FSTL5: variants seen among roughly 807,000 people sequenced by gnomAD.
FSTL5 encodes follistatin-related protein 5.
In FSTL5, 62 loss-of-function variants were observed where a neutral mutation model predicts 89.1. That is an observed-to-expected ratio of 0.70 (90% CI 0.57 to 0.86). The LOEUF is 0.86. FSTL5 is among the 40% of genes least tolerant of loss of function. FSTL5 has a pLI of 0.00. For synonymous variants in FSTL5, 383 were observed against 346.2 expected (o/e 1.11, Z -1.18); for missense variants, 1,057 against 1,001.6 (o/e 1.06, Z -0.75).
intron 3 of FSTL5, among the ~76,000 whole-genome samples, chr4:162,008,618 T>C (rs894542580): frequency 6.6e-6 from 1 of 151,906 alleles, no homozygotes; most frequent in African/African-American, 2.4e-5. Flanking sequence ...TGAGCTCATA[T>C]TATTCAGGAA....
At chr4:161,764,184 G>C (rs1325227330) in intron 5 of FSTL5, among the ~76,000 whole-genome samples, 1 of 152,190 alleles carries the variant, frequency 6.6e-6, no homozygotes, top group Non-Finnish European at 1.5e-5. Flanking sequence ...TGAAAGGACA[G>C]AGTTAATAAC....
intron 4 of FSTL5, among the ~76,000 whole-genome samples, chr4:161,825,033 ATAGATGGCTTT>A (rs1389656790): frequency 6.6e-6 from 1 of 152,162 alleles, no homozygotes; most frequent in Admixed American, 6.5e-5. Context: ...TGGGGTTGTC[ATAGATGGCTTT>A]TATTACATTA....
intron 2 of FSTL5, among the ~76,000 whole-genome samples, chr4:162,076,295 T>G (rs1056016469): frequency 1.3e-5 from 2 of 151,938 alleles, no homozygotes; most frequent in Admixed American, 1.3e-4. Context: ...CACATTTTTG[T>G]GAGCTAAGCA....
At chr4:161,676,501 C>G (rs1417095944) in intron 6 of FSTL5, among the ~76,000 whole-genome samples, 1 of 151,618 alleles carries the variant, frequency 6.6e-6, no homozygotes. Context: ...CGGGGCCTGT[C>G]GGGAGGTGAG....
chr4:161,758,254 T>A (rs550757654), intron 6 of FSTL5, among the ~76,000 whole-genome samples: 4 of 152,108 alleles, frequency 2.6e-5, no homozygotes, highest in Non-Finnish European at 5.9e-5. Flanking sequence ...AGACAGCTGA[T>A]AAATGGCTAA....
chr4:161,674,819 C>T (rs1477195149), intron 6 of FSTL5, among the ~76,000 whole-genome samples: 2 of 152,148 alleles, frequency 1.3e-5, no homozygotes, highest in African/African-American at 4.8e-5. Context: ...TCAAGACATA[C>T]CCTACTCTGT....
In FSTL5 at chr4:161,759,608, A is replaced by G. The variant is rs145250651; in HGVS notation, c.607-77T>C. 1.2e-3 allele frequency: 1,070 copies of G among 917,278 alleles called. 9 individuals are homozygous for G. In the African/African-American group the frequency reaches 0.017, roughly 15 times the overall value. The allele number at this position is 917,278 out of a possible 1,614,324, so 56.8% of individuals were successfully genotyped here. On this transcript the variant is annotated intron_variant, in intron 5 of 15. Transcript: ENST00000306100. ...ATAATATAATTTATTATATGTAATA[A>G]TCACATAATAGTTCATTTCATGTCT...
intron 6 of FSTL5, among the ~76,000 whole-genome samples, chr4:161,755,319 A>G (rs1740531140): frequency 6.6e-6 from 1 of 152,072 alleles, no homozygotes; most frequent in African/African-American, 2.4e-5. Context: ...GAAAAAAGGT[A>G]TTTTTGAAAA....
intron 2 of FSTL5, among the ~76,000 whole-genome samples, chr4:162,079,462 G>C (rs1040987594): frequency 6.6e-6 from 1 of 151,558 alleles, no homozygotes; most frequent in Admixed American, 6.6e-5. Flanking sequence ...AAATGGTTAT[G>C]AGCATGTGGG....
intron 8 of FSTL5, among the ~76,000 whole-genome samples, chr4:161,569,788 CACACACACA>C (rs769738595): frequency 6.6e-6 from 1 of 151,200 alleles, no homozygotes; most frequent in East Asian, 1.9e-4. Flanking sequence ...CACACACACA[CACACACACA>C]CACCCCACAT....
At chr4:161,745,359 T>A (rs1260382001) in intron 6 of FSTL5, among the ~76,000 whole-genome samples, 1 of 152,040 alleles carries the variant, frequency 6.6e-6, no homozygotes, top group Non-Finnish European at 1.5e-5. Context: ...TGTAACTATA[T>A]ACAAAAATGT....
At chr4:161,912,437 T>G (rs1467218850) in intron 4 of FSTL5, among the ~76,000 whole-genome samples, 1 of 152,158 alleles carries the variant, frequency 6.6e-6, no homozygotes, top group Admixed American at 6.5e-5. Flanking sequence ...GCTATTCTCA[T>G]GATAGTGAGT....
At chr4:161,469,025 TC>T (rs1733841060) in intron 13 of FSTL5, among the ~76,000 whole-genome samples, 1 of 152,202 alleles carries the variant, frequency 6.6e-6, no homozygotes, top group South Asian at 2.1e-4. Flanking sequence ...TCTCCATAAT[TC>T]TTTTTACCTT....
chr4:161,648,057 TC>T (rs1230016281), intron 7 of FSTL5, among the ~76,000 whole-genome samples: 1 of 151,896 alleles, frequency 6.6e-6, no homozygotes, highest in Non-Finnish European at 1.5e-5. Flanking sequence ...CCCTACTGGC[TC>T]CCCCATCTGC....
At chr4:161,877,653 C>T (rs1336166206) in intron 4 of FSTL5, among the ~76,000 whole-genome samples, 2 of 151,298 alleles carry the variant, frequency 1.3e-5, no homozygotes, top group East Asian at 4.0e-4. Context: ...AGTGAAACCC[C>T]GTTTCTACTA....
chr4:161,877,892 G>A (rs1432315574), intron 4 of FSTL5, among the ~76,000 whole-genome samples: 1 of 151,406 alleles, frequency 6.6e-6, no homozygotes, highest in African/African-American at 2.4e-5. Flanking sequence ...CTGACCTCGT[G>A]ATCTGCCCGC....
intron 15 of FSTL5, chr4:161,388,339 T>C (rs1730714140): frequency 1.3e-5 from 2 of 152,060 alleles, no homozygotes; most frequent in Non-Finnish European, 2.9e-5. Context: ...ATTCATACTG[T>C]TGATAATTAC....
At chr4:161,604,327 C>G (rs1734361575) in intron 7 of FSTL5, among the ~76,000 whole-genome samples, 1 of 151,952 alleles carries the variant, frequency 6.6e-6, no homozygotes, top group South Asian at 2.1e-4. Context: ...ATAAAGCAAG[C>G]ACATCATTTA....
At chr4:161,823,287 T>C (rs935401978) in intron 4 of FSTL5, among the ~76,000 whole-genome samples, 1 of 152,108 alleles carries the variant, frequency 6.6e-6, no homozygotes, top group Non-Finnish European at 1.5e-5. Context: ...AACATCAACA[T>C]GCCATCCACA....
Sources: allele counts gnomAD v4.1 joint callset (sites outside exome capture counted in the v4.1 genomes callset), GRCh38; gene constraint gnomAD v4.1.1; transcripts MANE v1.5; gene names NCBI Gene and HGNC (gene_info 2026-07-23, HGNC 2026-07-21).